SLA2: variants seen among roughly 807,000 people sequenced by gnomAD.
The protein encoded by SLA2 is Src like adaptor 2, also known as src-like-adapter 2.
A neutral mutation model predicts 27.3 loss-of-function variants in SLA2; 22 were observed. The ratio of observed to expected loss-of-function variants is 0.81; its 90% CI spans 0.58 to 1.15. The LOEUF (loss-of-function observed/expected upper bound fraction) is 1.15, where lower values mean the gene tolerates loss of function less well. Among genes scored for constraint, SLA2 ranks in the 50% most tolerant of loss-of-function variants. SLA2 has a pLI of 0.00. For synonymous variants in SLA2, 131 were observed against 137.8 expected (o/e 0.95, Z 0.34); for missense variants, 304 against 322.2 (o/e 0.94, Z 0.43).
At position 36,634,547 on chromosome 20, in the gene SLA2, G is replaced by T. The variant is rs140698956; in HGVS notation, c.134C>A (p.Ala45Glu). 247 of 1,611,622 alleles carry T rather than the reference G, an allele frequency of 1.5e-4. 2 individuals are homozygous for T. The Middle Eastern group carries it at 2.1e-3, about 14-fold the overall frequency. ...ATAVALGSFP[A>E]GGPAELSLRL... is the part of the protein sequence containing the mutation. ...CAGCGACAGCTCGGCCGGGCCACCT[G>T]CCGGGAAACTGCCCAGGGCCACGGC... Residue 45 changes from alanine to glutamate, a missense_variant, in exon 3 of 8, where the codon GCA becomes GAA. Coordinates refer to ENST00000262866, the MANE Select transcript of SLA2 (RefSeq NM_032214.4).
At chr20:36,622,826 C>T (rs1449133593) in intron 5 of SLA2, among the ~76,000 whole-genome samples, 1 of 152,170 alleles carries the variant, frequency 6.6e-6, no homozygotes, top group Non-Finnish European at 1.5e-5. Flanking sequence ...ATCTTCCCAC[C>T]TCAAAATCCT....
intron 1 of SLA2, among the ~76,000 whole-genome samples, chr20:36,644,209 T>C (rs1978285896): frequency 6.6e-6 from 1 of 152,122 alleles, no homozygotes; most frequent in African/African-American, 2.4e-5. Flanking sequence ...GGTCTTGAAC[T>C]CCTGGGCTTA....
intron 1 of SLA2, among the ~76,000 whole-genome samples, chr20:36,644,127 G>C (rs935040911): frequency 2.6e-5 from 4 of 152,164 alleles, no homozygotes; most frequent in African/African-American, 9.7e-5. Flanking sequence ...ACACTGAAAT[G>C]GTGCTGCTGT....
At chr20:36,621,965 A>G (rs2039287571) in intron 5 of SLA2, among the ~76,000 whole-genome samples, 1 of 151,880 alleles carries the variant, frequency 6.6e-6, no homozygotes, top group Admixed American at 6.6e-5. Context: ...GCAGTGAGCC[A>G]TGACTGTGCC....
chr20:36,622,837 T>C (rs1292548852), intron 5 of SLA2, among the ~76,000 whole-genome samples: 1 of 152,182 alleles, frequency 6.6e-6, no homozygotes, highest in Non-Finnish European at 1.5e-5. Flanking sequence ...TCAAAATCCT[T>C]AATCACATCT....
At chr20:36,634,454 A>T in intron 3 of SLA2, 36 bp downstream of exon 3, 1 of 1,446,258 alleles carries the variant, frequency 6.9e-7, no homozygotes, top group Non-Finnish European at 9.6e-7. Context: ...TGGCTCTATT[A>T]GTGCATATTC....
intron 2 of SLA2, among the ~76,000 whole-genome samples, chr20:36,639,571 C>T (rs531533974): frequency 2.6e-5 from 4 of 151,902 alleles, no homozygotes; most frequent in Non-Finnish European, 2.9e-5. Context: ...ACTAGAATTG[C>T]GGCCGGGTGC....
At chr20:36,615,432 T>C (rs2147975305) in intron 5 of SLA2, 58 bp from the exon 6 acceptor site, 3 of 1,603,870 alleles carry the variant, frequency 1.9e-6, no homozygotes, top group South Asian at 1.1e-5. Context: ...CGGCCCCACC[T>C]AGGCTGGGAA....
intron 5 of SLA2, among the ~76,000 whole-genome samples, chr20:36,627,900 G>A (rs970241889): frequency 2.6e-5 from 4 of 152,182 alleles, no homozygotes; most frequent in Non-Finnish European, 5.9e-5. Flanking sequence ...CTTGAAGCTC[G>A]TGTGGAATCA....
intron 7 of SLA2, 61 bp downstream of exon 7, chr20:36,614,243 CA>C: frequency 6.2e-7 from 1 of 1,613,206 alleles, no homozygotes; most frequent in Non-Finnish European, 8.5e-7. Context: ...TGTGGCTTCC[CA>C]GGGGTGGGTC....
In SLA2 at chr20:36,614,055, T is replaced by C. The variant is rs1178298795; in HGVS notation, c.666-69A>G. 3 of 1,592,592 alleles carry C rather than the reference T, an allele frequency of 1.9e-6. No homozygotes were observed. In the African/African-American group the frequency reaches 4.0e-5, roughly 21 times the overall value. On this transcript the variant is annotated intron_variant, in intron 7 of 7. Coordinates refer to ENST00000262866, the MANE Select transcript of SLA2 (RefSeq NM_032214.4). The stretch of plus-strand genomic sequence containing the variant: ...CTCCCTGTACTCACTACACACAAAA[T>C]TGCACTGTTCTCAAAACCCTTCACT...
At chr20:36,615,038 A>G (rs2039191955) in intron 6 of SLA2, 187 bp downstream of exon 6, 1 of 985,410 alleles carries the variant, frequency 1.0e-6, no homozygotes, top group African/African-American at 1.7e-5. Context: ...CTTTTCTGCC[A>G]GGGCACGAGG....
At chr20:36,621,309 A>G in intron 5 of SLA2, 1 of 612,546 alleles carries the variant, frequency 1.6e-6, no homozygotes, top group Non-Finnish European at 3.1e-6. Flanking sequence ...AACAGCAATC[A>G]AATTATGGAC....
chr20:36,624,419 G>A (rs1307941028), intron 5 of SLA2, among the ~76,000 whole-genome samples: 4 of 152,092 alleles, frequency 2.6e-5, no homozygotes, highest in Admixed American at 1.3e-4. Context: ...TCCTCTGAAC[G>A]CTGCTTTGTT....
chr20:36,620,556 C>G lies in SLA2; in HGVS notation c.383-5182G>C, dbSNP rs180890351. On this transcript the variant is annotated intron_variant, in intron 5 of 7. Transcript: ENST00000262866. ...TAGTTTTTAAAATTGTTCAGAAATA[C>G]CACACTGGCTTTTTTTTTTTTTTTT... The G allele has an allele frequency of 3.9e-3, 636 of 161,926 alleles. 4 individuals are homozygous for G. Among genetic ancestry groups the G allele is most frequent in the Middle Eastern group, 9.4e-3 (3 of 320 alleles). 10.0% of individuals were successfully genotyped at this position (161,926 alleles called of 1,614,324 possible). A position where few individuals can be genotyped will look rare whatever the true frequency, so the allele number is the denominator to read the frequency against.
Position 36,632,683 on chromosome 20 carries a change from G to A in SLA2, c.294C>T (p.Gly98=). The A allele has an allele frequency of 6.2e-7, 1 of 1,613,850 alleles. No homozygotes were observed. The highest frequency in any genetic ancestry group is 1.1e-5 in the South Asian group (1 of 91,068). ...AKVSHGWLYE[G]LSREKAEELL... is the part of the protein sequence containing the mutation. ...GTTCCTCTGCTTTCTCCCTGCTCAG[G>A]CCCTCATACAGCCACCTGGCGGAGC... Residue 98 remains glycine (G), a synonymous_variant, in exon 5 of 8, where the codon GGC becomes GGT. Coordinates refer to ENST00000262866, the MANE Select transcript of SLA2 (RefSeq NM_032214.4).
Position 36,630,693 on chromosome 20 carries a change from C to T in SLA2, c.382+1902G>A, listed in dbSNP as rs370249558. Among the ~76,000 whole-genome samples the T allele has an allele frequency of 3.9e-5, 6 of 152,270 alleles. No individual in the cohort carries two copies. The East Asian group carries it at 1.2e-3, about 29-fold the overall frequency. On this transcript the variant is annotated intron_variant, in intron 5 of 7. Transcript: ENST00000262866. Reference sequence around the variant, plus strand: ...ACATTGTTTTAAGTCACTTAAAGGGCTTAACATAAACGTGGGGGCTGCTGC... The same window carrying T: ...ACATTGTTTTAAGTCACTTAAAGGGTTTAACATAAACGTGGGGGCTGCTGC...
intron 5 of SLA2, among the ~76,000 whole-genome samples, chr20:36,615,621 GA>G (rs1435662199): frequency 6.6e-6 from 1 of 152,160 alleles, no homozygotes; most frequent in Non-Finnish European, 1.5e-5. Flanking sequence ...CTGTGTGAGT[GA>G]ACATTCAGCG....
chr20:36,629,001 T>C (rs1010448449), intron 5 of SLA2, among the ~76,000 whole-genome samples: 2 of 152,096 alleles, frequency 1.3e-5, no homozygotes, highest in Non-Finnish European at 2.9e-5. Context: ...AGCTGCATCC[T>C]GATCCATCTC....
Sources: gnomAD v4.1 joint callset for allele counts (sites outside exome capture counted in the v4.1 genomes callset) on GRCh38, gnomAD v4.1.1 for gene constraint, MANE v1.5 for transcripts, NCBI Gene and HGNC (gene_info 2026-07-23, HGNC 2026-07-21) for gene names.